The following ELOVL5 variants were observed in gnomAD, a reference collection of about 807,000 sequenced individuals.
ELOVL5 encodes the protein very long chain fatty acid elongase 5.
Under a neutral mutation model 38.6 loss-of-function variants are expected in ELOVL5, and 8 were observed. That is an observed-to-expected ratio of 0.21 (90% CI 0.12 to 0.37). The LOEUF (loss-of-function observed/expected upper bound fraction) is 0.37, where lower values mean the gene tolerates loss of function less well. ELOVL5 is among the 10% of genes least tolerant of loss of function. ELOVL5 has a pLI of 1.00. For synonymous variants in ELOVL5, 127 were observed against 133.7 expected (o/e 0.95, Z 0.34); for missense variants, 280 against 367.8 (o/e 0.76, Z 1.95).
At chr6:53,282,768 AT>A (rs1766408548) in intron 3 of ELOVL5, among the ~76,000 whole-genome samples, 1 of 152,234 alleles carries the variant, frequency 6.6e-6, no homozygotes, top group South Asian at 2.1e-4. Context: ...AAACAAAGTT[AT>A]TTTTCAAATA....
chr6:53,292,237 AAGG>A (rs1396772314), intron 2 of ELOVL5, among the ~76,000 whole-genome samples: 1 of 152,232 alleles, frequency 6.6e-6, no homozygotes, highest in Non-Finnish European at 1.5e-5. Flanking sequence ...AGAAGAAAAC[AAGG>A]AGAAGGCTAC....
intron 1 of ELOVL5, among the ~76,000 whole-genome samples, chr6:53,335,022 C>T (rs181180304): frequency 6.6e-6 from 1 of 152,214 alleles, no homozygotes; most frequent in Admixed American, 6.5e-5. Flanking sequence ...CATTTAAATT[C>T]TCATTCTTGG....
rs544787870 is a variant in ELOVL5 at position 53,271,327 on chromosome 6, G to A, written c.622-600C>T. On this transcript the variant is annotated intron_variant, in intron 6 of 7. Transcript: ENST00000304434. ...AGCACTTTGGGAGGCCGAGGCTGGC[G>A]GATCACAAGGTCAAGAGATCAACAC... Among the ~76,000 whole-genome samples the A allele has an allele frequency of 4.9e-4, 74 of 152,044 alleles. 1 individual carries two copies. Among genetic ancestry groups the A allele is most frequent in the African/African-American group, 1.6e-3 (65 of 41,426 alleles).
At chr6:53,287,837 G>A in intron 3 of ELOVL5, 1 of 1,530,140 alleles carries the variant, frequency 6.5e-7, no homozygotes, top group South Asian at 1.2e-5. Context: ...GGAATTCAAA[G>A]CCATGTGCAC....
intron 1 of ELOVL5, among the ~76,000 whole-genome samples, chr6:53,325,530 G>C (rs1305802900): frequency 6.6e-6 from 1 of 152,214 alleles, no homozygotes; most frequent in African/African-American, 2.4e-5. Flanking sequence ...GAAGCAACTA[G>C]ACTCACATGA....
intron 3 of ELOVL5, among the ~76,000 whole-genome samples, chr6:53,289,756 A>G (rs1698378305): frequency 6.6e-6 from 1 of 152,206 alleles, no homozygotes; most frequent in Non-Finnish European, 1.5e-5. Flanking sequence ...CTAAAATGAT[A>G]TTTGAAGTTT....
intron 1 of ELOVL5, among the ~76,000 whole-genome samples, chr6:53,307,972 T>TA (rs1362608910): frequency 1.3e-5 from 2 of 152,334 alleles, no homozygotes; most frequent in Non-Finnish European, 2.9e-5. Flanking sequence ...CTATCATTCT[T>TA]AAAATACCCC....
chr6:53,344,833 A>T (rs1405460767), intron 1 of ELOVL5, among the ~76,000 whole-genome samples: 1 of 152,126 alleles, frequency 6.6e-6, no homozygotes, highest in Non-Finnish European at 1.5e-5. Context: ...TTACTCTCCA[A>T]ACTCCCTCTT....
chr6:53,290,261 C>T (rs1327774600), intron 3 of ELOVL5: 2 of 152,156 alleles, frequency 1.3e-5, no homozygotes, highest in Non-Finnish European at 2.9e-5. Context: ...AAGGCAAATG[C>T]TTAAGTTCTC....
At chr6:53,301,305 G>A (rs1767239651) in intron 1 of ELOVL5, among the ~76,000 whole-genome samples, 2 of 152,150 alleles carry the variant, frequency 1.3e-5, no homozygotes, top group Non-Finnish European at 2.9e-5. Context: ...TGGGTGAGCT[G>A]GGTCAAGTGG....
intron 1 of ELOVL5, among the ~76,000 whole-genome samples, chr6:53,306,257 AGGGAGAGGGGAGAGGGGAGAG>A (rs1561878549): frequency 2.9e-3 from 1 of 340 alleles, no homozygotes. Context: ...GAGAGGGGAG[AGGGAGAGGGGAGAGGGGAGAG>A]GGGAGAGGGG....
chr6:53,306,473 T>C (rs1278220109), intron 1 of ELOVL5, among the ~76,000 whole-genome samples: 1 of 144,310 alleles, frequency 6.9e-6, no homozygotes, highest in Admixed American at 6.8e-5. Context: ...TATTCTAGTC[T>C]TGAAAGGCAA....
chr6:53,296,079 G>GT (rs1447568830), intron 1 of ELOVL5, among the ~76,000 whole-genome samples: 1 of 152,038 alleles, frequency 6.6e-6, no homozygotes, highest in Non-Finnish European at 1.5e-5. Flanking sequence ...AGGACTTGAG[G>GT]TAAGACAAGG....
intron 3 of ELOVL5, among the ~76,000 whole-genome samples, chr6:53,284,731 T>C (rs1258390364): frequency 6.6e-6 from 1 of 152,226 alleles, no homozygotes; most frequent in Non-Finnish European, 1.5e-5. Context: ...GTGTTCACTA[T>C]GTGTTACTGT....
intron 1 of ELOVL5, among the ~76,000 whole-genome samples, chr6:53,326,827 A>C (rs1201938052): frequency 6.6e-6 from 1 of 152,134 alleles, no homozygotes; most frequent in African/African-American, 2.4e-5. Flanking sequence ...GCAGAAAAAA[A>C]CCCAAGGTCT....
chr6:53,334,804 A>G (rs1446552419), intron 1 of ELOVL5, among the ~76,000 whole-genome samples: 1 of 151,884 alleles, frequency 6.6e-6, no homozygotes, highest in East Asian at 1.9e-4. Context: ...CTGCCCCATA[A>G]CCTTACCAGG....
At chr6:53,335,044 A>G (rs545799341) in intron 1 of ELOVL5, among the ~76,000 whole-genome samples, 40 of 152,296 alleles carry the variant, frequency 2.6e-4, no homozygotes, top group Middle Eastern at 3.4e-3. Context: ...TTCATCACCT[A>G]TTACGTGAAA....
At chr6:53,328,405 T>C (rs1271145707) in intron 1 of ELOVL5, among the ~76,000 whole-genome samples, 2 of 152,216 alleles carry the variant, frequency 1.3e-5, no homozygotes, top group East Asian at 3.9e-4. Context: ...ATAAAAATCT[T>C]AAAAGAATTC....
At chr6:53,325,756 GCTGCCACAAT>G (rs571445393) in intron 1 of ELOVL5, among the ~76,000 whole-genome samples, 109 of 152,304 alleles carry the variant, frequency 7.2e-4, no homozygotes, top group African/African-American at 2.5e-3. Flanking sequence ...GCAGGAGTGG[GCTGCCACAAT>G]CTGGGAAGAA....
Sources: allele counts gnomAD v4.1 joint callset (sites outside exome capture counted in the v4.1 genomes callset), GRCh38; gene constraint gnomAD v4.1.1; transcripts MANE v1.5; gene names NCBI Gene and HGNC (gene_info 2026-07-23, HGNC 2026-07-21).